EPRS1: variants seen among roughly 807,000 people sequenced by gnomAD.
The protein encoded by EPRS1 is glutamyl-prolyl-tRNA synthetase 1.
Under a neutral mutation model 188.3 loss-of-function variants are expected in EPRS1, and 107 were observed. That is an observed-to-expected ratio of 0.57 (90% confidence interval 0.49 to 0.67). EPRS1 has a LOEUF of 0.67. EPRS1 is among the 30% of genes least tolerant of loss of function. The probability of loss-of-function intolerance (pLI) is 0.00; values close to 1 mark genes in which losing one functional copy is unlikely to be tolerated. For synonymous variants in EPRS1, 596 were observed against 593.1 expected (o/e 1.00, Z -0.07); for missense variants, 1,577 against 1,802.2 (o/e 0.88, Z 2.26).
intron 30 of EPRS1, among the ~76,000 whole-genome samples, chr1:219,969,707 C>T (rs1009361660): frequency 7.9e-5 from 12 of 151,152 alleles, no homozygotes; most frequent in Non-Finnish European, 1.5e-4. Context: ...AAACAAAGGC[C>T]GAATCAAGAT....
chr1:220,044,205 T>C (rs943377894), intron 1 of EPRS1, among the ~76,000 whole-genome samples: 1 of 152,232 alleles, frequency 6.6e-6, no homozygotes, highest in Admixed American at 6.5e-5. Flanking sequence ...TATTTTAAAA[T>C]GTTTCATCTA....
At chr1:220,030,328 G>C in intron 6 of EPRS1, 58 bp downstream of exon 6, 1 of 1,148,826 alleles carries the variant, frequency 8.7e-7, no homozygotes, top group South Asian at 1.3e-5. Context: ...TTTAATCACT[G>C]TTTTAAAGCT....
At chr1:220,002,671 G>A (rs1661382875) in intron 16 of EPRS1, among the ~76,000 whole-genome samples, 1 of 151,974 alleles carries the variant, frequency 6.6e-6, no homozygotes, top group African/African-American at 2.4e-5. Flanking sequence ...ACTAGCCTGG[G>A]AAACATGGTG....
Position 219,973,308 on chromosome 1 carries a change from C to T in EPRS1, c.4174G>A (p.Val1392Ile). 6.2e-7 allele frequency: 1 copy of T among 1,612,632 alleles called. No homozygotes were observed. The highest frequency in any genetic ancestry group is 8.5e-7 in the Non-Finnish European group (1 of 1,179,700). ...VRRDTGEKLT[V>I]AENEAETKLQ... ...TTAGTCTCTGCCTCATTTTCAGCAA[C>T]TGTCAGCTTTTCTCCAGTATCTCGT... Residue 1392 changes from valine to isoleucine, a missense_variant, in exon 29 of 32, where the codon GTT (valine) becomes ATT (isoleucine). By Grantham distance (29) the Val-to-Ile change is conservative. Coordinates refer to ENST00000366923, the MANE Select transcript of EPRS1 (RefSeq NM_004446.3).
In EPRS1 at chr1:219,978,540, A is replaced by T. The variant is rs1216605921; in HGVS notation, c.4083+6T>A. On this transcript the variant is annotated splice_donor_region_variant and intron_variant, in intron 28 of 31. Coordinates refer to ENST00000366923, the MANE Select transcript of EPRS1 (RefSeq NM_004446.3). ...TGGGGGTAAAAGATAAAGCTTAGGA[A>T]TTTACCTTGAGCTCCCAGTGATTGA... is the stretch of plus-strand genomic sequence containing the variant. 12 of 1,554,136 alleles carry T rather than the reference A, an allele frequency of 7.7e-6. No individual in the cohort carries two copies. Among genetic ancestry groups the T allele is most frequent in the African/African-American group, 1.4e-5 (1 of 72,838 alleles).
At chr1:220,017,602 G>C (rs549781966) in intron 12 of EPRS1, among the ~76,000 whole-genome samples, 1 of 152,228 alleles carries the variant, frequency 6.6e-6, no homozygotes, top group East Asian at 1.9e-4. Flanking sequence ...ACTATATCTT[G>C]AGGCAAGACA....
intron 18 of EPRS1, among the ~76,000 whole-genome samples, chr1:219,993,012 A>G (rs915744106): frequency 1.3e-5 from 2 of 152,174 alleles, no homozygotes; most frequent in African/African-American, 2.4e-5. Flanking sequence ...AGGAGGGCGG[A>G]CAGCTTGAGT....
chr1:220,020,867 T>C (rs1661864978), intron 9 of EPRS1, among the ~76,000 whole-genome samples: 1 of 118,848 alleles, frequency 8.4e-6, no homozygotes, highest in Non-Finnish European at 1.8e-5. Flanking sequence ...TATATATATA[T>C]ATATTAGTGC....
At chr1:219,973,527 A>AC in intron 28 of EPRS1, 129 bp from the exon 29 acceptor site, 1 of 415,900 alleles carries the variant, frequency 2.4e-6, no homozygotes. Flanking sequence ...CAAAAAAAAC[A>AC]AGAGAAAAAA....
intron 6 of EPRS1, among the ~76,000 whole-genome samples, chr1:220,028,452 AACACACACACACGCGCAC>A (rs1238709724): frequency 2.6e-5 from 3 of 115,188 alleles, no homozygotes; most frequent in Non-Finnish European, 3.8e-5. Flanking sequence ...GAATCGCTAA[AACACACACACACGCGCAC>A]ACACACACAC....
intron 30 of EPRS1, 73 bp from the exon 31 acceptor site, chr1:219,969,195 T>C: frequency 9.0e-7 from 1 of 1,109,150 alleles, no homozygotes; most frequent in Non-Finnish European, 1.4e-6. Flanking sequence ...AACATTTGAG[T>C]TCTATATTAA....
chr1:220,041,996 G>A (rs557043685), intron 1 of EPRS1, among the ~76,000 whole-genome samples: 4 of 151,854 alleles, frequency 2.6e-5, no homozygotes, highest in East Asian at 1.9e-4. Flanking sequence ...CATATATGTC[G>A]AAAGGACATA....
intron 20 of EPRS1, among the ~76,000 whole-genome samples, chr1:219,985,727 A>G (rs1660994781): frequency 6.6e-6 from 1 of 152,212 alleles, no homozygotes; most frequent in Admixed American, 6.5e-5. Context: ...TTTAACTAGA[A>G]TAAAAGTTGC....
chr1:220,038,885 C>A (rs1474722244), intron 2 of EPRS1, among the ~76,000 whole-genome samples: 1 of 152,116 alleles, frequency 6.6e-6, no homozygotes, highest in Non-Finnish European at 1.5e-5. Context: ...TGAAGCTGCC[C>A]TCAGAAGAGC....
intron 15 of EPRS1, among the ~76,000 whole-genome samples, chr1:220,005,816 C>CG (rs1661451260): frequency 8.1e-6 from 1 of 122,826 alleles, no homozygotes; most frequent in Admixed American, 9.8e-5. Context: ...TTACTTACAT[C>CG]GTTTTTTTTT....
Position 219,978,634 on chromosome 1 carries a change from C to T in EPRS1, c.3995G>A (p.Arg1332Lys), listed in dbSNP as rs1177467134. The change falls in exon 28 of 32, where the codon AGG becomes AAG. Residue 1332 changes from arginine (R) to lysine (K), a missense_variant. Physicochemically the swap from Arg to Lys is conservative, Grantham distance 26. Around this residue, in one of 3 missense-constraint regions of EPRS1, gnomAD observed 296 missense variants for 327.9 expected, o/e 0.90. Transcript: ENST00000366923. ...ALIAKCNDYR[R>K]RLLSVNIRVR... Reference sequence around the variant, plus strand: ...GCGGATGTTAACACTGAGTAATCGCCTTCGATAATCATTGCATTTTGCAAT... The same window carrying T: ...GCGGATGTTAACACTGAGTAATCGCTTTCGATAATCATTGCATTTTGCAAT... 1 of 1,612,502 alleles carries T rather than the reference C, an allele frequency of 6.2e-7. No individual in the cohort carries two copies. The highest frequency in any genetic ancestry group is 8.5e-7 in the Non-Finnish European group (1 of 1,179,102).
chr1:219,994,816 C>T (rs1023546561), intron 18 of EPRS1, among the ~76,000 whole-genome samples: 6 of 151,948 alleles, frequency 3.9e-5, no homozygotes, highest in East Asian at 1.9e-4. Flanking sequence ...CCACACCCAG[C>T]TAATTTTTTG....
chr1:220,019,918 C>T, intron 10 of EPRS1, 70 bp downstream of exon 10: 4 of 1,059,560 alleles, frequency 3.8e-6, no homozygotes, highest in Non-Finnish European at 5.8e-6. Context: ...CCCTATCTCT[C>T]AAGCAGTTTA....
chr1:219,983,487 T>A lies in EPRS1; in HGVS notation c.3091-89A>T. On this transcript the variant is annotated intron_variant, in intron 21 of 31. Transcript: ENST00000366923. ...GAGTATGATAACCAAAATTCAAATCTGGAGGCTTCTACTGTTGATAACATC... is the reference window on the plus strand; with the variant it reads ...GAGTATGATAACCAAAATTCAAATCAGGAGGCTTCTACTGTTGATAACATC... 3.5e-6 allele frequency: 3 copies of A among 856,328 alleles called. No homozygotes were observed. In the South Asian group the frequency reaches 5.3e-5, roughly 15 times the overall value. 53.0% of individuals were successfully genotyped at this position (856,328 alleles called of 1,614,324 possible). A position where few individuals can be genotyped will look rare whatever the true frequency, so the allele number is the denominator to read the frequency against.
Sources: allele counts gnomAD v4.1 joint callset (sites outside exome capture counted in the v4.1 genomes callset), GRCh38; gene constraint gnomAD v4.1.1; regional missense constraint gnomAD v4.1.1; transcripts MANE v1.5; gene names NCBI Gene and HGNC (gene_info 2026-07-23, HGNC 2026-07-21).